The following RGS9 variants were observed in gnomAD, a reference collection of about 807,000 sequenced individuals.
The protein encoded by RGS9 is regulator of G protein signaling 9.
Under a neutral mutation model 102.0 loss-of-function variants are expected in RGS9, and 78 were observed. The observed-to-expected ratio is 0.76, with a 90% CI of 0.64 to 0.92. The LOEUF is 0.92. RGS9 is among the 40% of genes least tolerant of loss of function. RGS9 has a pLI of 0.00. For missense variants in RGS9, 833 were observed against 866.1 expected, an observed-to-expected ratio of 0.96 and a Z score of 0.48; for synonymous variants, 353 against 318.6, an observed-to-expected ratio of 1.11 and a Z score of -1.15.
At chr17:65,143,207 C>A (rs1910223637) in intron 1 of RGS9, among the ~76,000 whole-genome samples, 1 of 152,110 alleles carries the variant, frequency 6.6e-6, no homozygotes, top group African/African-American at 2.4e-5. Context: ...GACATGAATG[C>A]TGCTAAACAT....
At chr17:65,220,061 TATC>T (rs959916180) in intron 17 of RGS9, among the ~76,000 whole-genome samples, 15 of 151,548 alleles carry the variant, frequency 9.9e-5, no homozygotes, top group Non-Finnish European at 1.8e-4. Context: ...TCATTATTAT[TATC>T]ATCACCACCA....
chr17:65,209,826 C>T (rs1233432524), intron 16 of RGS9, among the ~76,000 whole-genome samples: 2 of 152,174 alleles, frequency 1.3e-5, no homozygotes, highest in African/African-American at 4.8e-5. Flanking sequence ...GCCTGTAATC[C>T]CAGCACTTTG....
At chr17:65,209,326 A>G (rs895980890) in intron 16 of RGS9, among the ~76,000 whole-genome samples, 18 of 152,162 alleles carry the variant, frequency 1.2e-4, no homozygotes, top group African/African-American at 4.1e-4. Flanking sequence ...TGAGAAATCC[A>G]ATGTCAGTGT....
chr17:65,190,332 G>A, intron 11 of RGS9, 96 bp downstream of exon 11: 2 of 975,008 alleles, frequency 2.1e-6, no homozygotes, highest in South Asian at 1.3e-5. Context: ...CTGACAGACT[G>A]AAGATTCAGC....
chr17:65,165,460 G>T (rs1911140546), intron 7 of RGS9, among the ~76,000 whole-genome samples: 1 of 151,292 alleles, frequency 6.6e-6, no homozygotes, highest in Non-Finnish European at 1.5e-5. Flanking sequence ...TGACCATGTA[G>T]GTTGGCCCAT....
At chr17:65,168,381 G>A (rs543922988) in intron 8 of RGS9, 100 bp downstream of exon 8, 4 of 819,368 alleles carry the variant, frequency 4.9e-6, no homozygotes, top group African/African-American at 1.7e-5. Context: ...TCTCTAGGGC[G>A]AGAATTGGAT....
intron 17 of RGS9, among the ~76,000 whole-genome samples, chr17:65,223,299 C>T (rs1242023003): frequency 6.6e-6 from 1 of 152,220 alleles, no homozygotes; most frequent in Non-Finnish European, 1.5e-5. Flanking sequence ...CTGGCTTTTG[C>T]TCTGCCACCC....
At chr17:65,186,065 C>A (rs1468495035) in intron 9 of RGS9, among the ~76,000 whole-genome samples, 1 of 130,780 alleles carries the variant, frequency 7.6e-6, no homozygotes, top group African/African-American at 4.2e-5. Context: ...AGTGTGAGCC[C>A]AGCACGATTC....
intron 2 of RGS9, among the ~76,000 whole-genome samples, chr17:65,157,260 A>T (rs1208001857): frequency 6.6e-6 from 1 of 152,024 alleles, no homozygotes. Context: ...GACCATTGGC[A>T]TCTGCACGAT....
At chr17:65,224,218 C>G (rs1905507626) in intron 17 of RGS9, among the ~76,000 whole-genome samples, 1 of 152,228 alleles carries the variant, frequency 6.6e-6, no homozygotes, top group African/African-American at 2.4e-5. Context: ...TGCTTTCAGG[C>G]AACTTTGGGC....
chr17:65,159,046 A>G (rs1250536843), intron 3 of RGS9, among the ~76,000 whole-genome samples: 6 of 152,090 alleles, frequency 3.9e-5, no homozygotes, highest in African/African-American at 1.4e-4. Context: ...TCCACCACAA[A>G]AGAAGTGAAA....
At chr17:65,197,522 GA>G in intron 13 of RGS9, among the ~76,000 whole-genome samples, 1 of 152,224 alleles carries the variant, frequency 6.6e-6, no homozygotes, top group South Asian at 2.1e-4. Context: ...ATCCATCCTG[GA>G]TGCCCCCACT....
At chr17:65,158,520 C>T (rs552346629) in intron 3 of RGS9, 175 bp downstream of exon 3, 110 of 705,838 alleles carry the variant, frequency 1.6e-4, no homozygotes, top group African/African-American at 1.0e-3. Flanking sequence ...AATTTGGGGA[C>T]GAAAGAGTTA....
chr17:65,192,475 G>GT lies in RGS9; in HGVS notation c.747-1067dup, dbSNP rs138438942. Among the ~76,000 whole-genome samples the GT allele has an allele frequency of 5.7e-3, 864 of 152,052 alleles. 7 individuals carry two copies. The highest frequency in any genetic ancestry group is 0.02 in the African/African-American group (826 of 41,462). The stretch of plus-strand genomic sequence containing the variant: ...ACAAAGAATAAAAAAAATTAGCCAG[G>GT]TGGTGGCACATGCCCGTGGTCCCAT... On this transcript the variant is annotated intron_variant, in intron 11 of 18. Transcript: ENST00000262406.
chr17:65,151,917 G>A (rs1206973497), intron 1 of RGS9, among the ~76,000 whole-genome samples: 1 of 152,162 alleles, frequency 6.6e-6, no homozygotes, highest in Non-Finnish European at 1.5e-5. Context: ...TGGCAGGCAT[G>A]CTTCCTGACA....
At position 65,158,350 on chromosome 17, in the gene RGS9, G is replaced by A; in HGVS notation, c.205+5G>A. 6.2e-7 allele frequency: 1 copy of A among 1,613,784 alleles called. No individual in the cohort carries two copies. Among genetic ancestry groups the A allele is most frequent in the Non-Finnish European group, 8.5e-7 (1 of 1,179,712 alleles). Reference sequence around the variant, plus strand: ...GGCTTTGGATCTCCAGTCTGGGTGAGAGCTCATCTGGCACTCAGTTATCCG... The same window carrying A: ...GGCTTTGGATCTCCAGTCTGGGTGAAAGCTCATCTGGCACTCAGTTATCCG... On this transcript the variant is annotated splice_donor_5th_base_variant and intron_variant, in intron 3 of 18. Coordinates refer to ENST00000262406, the MANE Select transcript of RGS9 (RefSeq NM_003835.4).
chr17:65,160,613 C>A (rs1461398397), intron 5 of RGS9, 26 bp downstream of exon 5: 1 of 1,611,808 alleles, frequency 6.2e-7, no homozygotes, highest in Non-Finnish European at 8.5e-7. Context: ...CCAACTATGC[C>A]TTTGGTAGTG....
At position 65,167,834 on chromosome 17, in the gene RGS9, C is replaced by T. The variant is rs374199326; in HGVS notation, c.501-366C>T. Among the ~76,000 whole-genome samples, 209 of 152,158 alleles carry T rather than the reference C, an allele frequency of 1.4e-3. 2 individuals are homozygous for T. The highest frequency in any genetic ancestry group is 8.3e-3 in the South Asian group (40 of 4,806). On this transcript the variant is annotated intron_variant, in intron 7 of 18. Coordinates refer to ENST00000262406, the MANE Select transcript of RGS9 (RefSeq NM_003835.4). Reference sequence around the variant, plus strand: ...GATCTCAGTGCAGCACTGTCCTGTCCGGGGGAGTTAGACCCTGGCCAGACT... The same window carrying T: ...GATCTCAGTGCAGCACTGTCCTGTCTGGGGGAGTTAGACCCTGGCCAGACT...
At chr17:65,209,715 G>A (rs760651356) in intron 16 of RGS9, among the ~76,000 whole-genome samples, 2 of 152,164 alleles carry the variant, frequency 1.3e-5, no homozygotes, top group African/African-American at 4.8e-5. Context: ...CTCTTTCTCT[G>A]TTCACTGGGG....
Sources: gnomAD v4.1 joint callset for allele counts (sites outside exome capture counted in the v4.1 genomes callset) on GRCh38, gnomAD v4.1.1 for gene constraint, MANE v1.5 for transcripts, NCBI Gene and HGNC (gene_info 2026-07-23, HGNC 2026-07-21) for gene names.